Variants in C11orf65 observed in about 807,000 individuals in gnomAD.
The protein encoded by C11orf65 is protein MFI.
C11orf65 carries 38 observed loss-of-function variants against 35.3 expected under a neutral mutation model. That is an observed-to-expected ratio of 1.08 (90% CI 0.83 to 1.41). The LOEUF is 1.41. C11orf65 is among the 40% of genes most tolerant of loss of function. C11orf65 has a pLI of 0.00. For synonymous variants in C11orf65, 105 were observed against 114.4 expected (o/e 0.92, Z 0.53); for missense variants, 370 against 367.1 (o/e 1.01, Z -0.06).
At chr11:108,408,880 A>C (rs1279290739) in intron 3 of C11orf65, among the ~76,000 whole-genome samples, 1 of 151,970 alleles carries the variant, frequency 6.6e-6, no homozygotes, top group African/African-American at 2.4e-5. Flanking sequence ...CAGAAAATAG[A>C]TGTTATTCAA....
At chr11:108,384,780 AAAAC>A (rs1468982731) in intron 8 of C11orf65, among the ~76,000 whole-genome samples, 3 of 152,168 alleles carry the variant, frequency 2.0e-5, no homozygotes, top group African/African-American at 7.2e-5. Context: ...TCTCAAAACA[AAAAC>A]AAAAACAAAC....
rs2092215298 is a variant in C11orf65 at position 108,393,361 on chromosome 11, A to C, written c.578T>G (p.Leu193Arg). The C allele has an allele frequency of 6.2e-7, 1 of 1,613,840 alleles. No individual in the cohort carries two copies. Among genetic ancestry groups the C allele is most frequent in the African/African-American group, 1.3e-5 (1 of 74,944 alleles). The change falls in exon 7 of 9, where the codon CTG becomes CGG. Residue 193 changes from leucine (L) to arginine (R), a missense_variant. Physicochemically the swap from Leu to Arg is moderately radical, Grantham distance 102. Coordinates refer to ENST00000393084, the MANE Select transcript of C11orf65 (RefSeq NM_152587.5). ...TTCATGATGTGTTGACTTAGCCTCC[A>C]GACTTCCTGAGTAGTACCTAAATAG... is the stretch of plus-strand genomic sequence containing the variant. Reference protein sequence around the residue: ...WMRQMYYSGSLEAKSTHHETL... With the variant: ...WMRQMYYSGSREAKSTHHETL...
At chr11:108,315,222 A>G (rs611018) in intron 6 of C11orf65, among the ~76,000 whole-genome samples, 144,090 of 152,328 alleles carry the variant, frequency 0.95, 68,251 homozygotes, top group East Asian at 1. Context: ...AATGCTTACC[A>G]CAGTAGCAAC....
At chr11:108,323,502 T>A (rs998411894) in intron 6 of C11orf65, among the ~76,000 whole-genome samples, 1 of 152,174 alleles carries the variant, frequency 6.6e-6, no homozygotes, top group African/African-American at 2.4e-5. Flanking sequence ...ATAGGGCAAC[T>A]GTAGTTAACA....
At chr11:108,321,157 T>G in intron 6 of C11orf65, 14 of 1,077,248 alleles carry the variant, frequency 1.3e-5, no homozygotes, top group Non-Finnish European at 1.9e-5. Flanking sequence ...TTTCCACTGC[T>G]ATTTTGTATT....
chr11:108,319,883 G>A (rs981393581), intron 6 of C11orf65: 7 of 1,083,954 alleles, frequency 6.5e-6, no homozygotes, highest in African/African-American at 4.8e-5. Flanking sequence ...GTCCTTTGGT[G>A]AAGCTATTTA....
At chr11:108,326,367 A>C in intron 6 of C11orf65, 2 of 1,196,910 alleles carry the variant, frequency 1.7e-6, no homozygotes, top group East Asian at 5.1e-5. Context: ...ACTAGTCTTG[A>C]AAATTAATTT....
chr11:108,333,413 C>G (rs897205546), intron 3 of C11orf65, among the ~76,000 whole-genome samples: 2 of 152,138 alleles, frequency 1.3e-5, no homozygotes, highest in Non-Finnish European at 2.9e-5. Context: ...TTCTAAGTAT[C>G]TCCCCATACT....
At chr11:108,451,264 T>C (rs2093344072) in intron 2 of C11orf65, among the ~76,000 whole-genome samples, 1 of 151,954 alleles carries the variant, frequency 6.6e-6, no homozygotes, top group African/African-American at 2.4e-5. Flanking sequence ...AACCCCATCA[T>C]CTCAGCCCAA....
rs1064793958 is a variant in C11orf65, at chr11:108,321,329, C to G, written c.641-12258G>C. 6.2e-7 allele frequency: 1 copy of G among 1,614,098 alleles called. No individual in the cohort carries two copies. Among genetic ancestry groups the G allele is most frequent in the Non-Finnish European group, 8.5e-7 (1 of 1,180,000 alleles). Reference sequence around the variant, plus strand: ...AAAAGAAGTGGAAGAGATGTGTAAGCGCAGCCTTGAGTCTGTGTATTCGCT... The same window carrying G: ...AAAAGAAGTGGAAGAGATGTGTAAGGGCAGCCTTGAGTCTGTGTATTCGCT... On this transcript the variant is annotated intron_variant, in intron 6 of 6. Coordinates refer to the C11orf65 transcript ENST00000525729.
chr11:108,421,769 C>T (rs1434797515), intron 3 of C11orf65, among the ~76,000 whole-genome samples: 1 of 152,176 alleles, frequency 6.6e-6, no homozygotes, highest in East Asian at 1.9e-4. Flanking sequence ...GCCTTTGTTT[C>T]CACAGCTGCT....
chr11:108,455,392 TAA>T (rs1177418858), intron 2 of C11orf65, among the ~76,000 whole-genome samples: 1 of 152,152 alleles, frequency 6.6e-6, no homozygotes, highest in Non-Finnish European at 1.5e-5. Flanking sequence ...GCAAATTTAG[TAA>T]AGTTACAAAC....
At chr11:108,418,356 A>G (rs1004769690) in intron 3 of C11orf65, among the ~76,000 whole-genome samples, 2 of 152,180 alleles carry the variant, frequency 1.3e-5, no homozygotes, top group African/African-American at 4.8e-5. Context: ...CAGAGGATTG[A>G]AAGTACAGCA....
chr11:108,424,326 T>C (rs1238776536), intron 3 of C11orf65, among the ~76,000 whole-genome samples: 1 of 151,918 alleles, frequency 6.6e-6, no homozygotes, highest in African/African-American at 2.4e-5. Flanking sequence ...ATCAACTTAA[T>C]GAAATAAAGC....
intron 2 of C11orf65, among the ~76,000 whole-genome samples, chr11:108,356,572 T>C (rs1221136935): frequency 6.6e-6 from 1 of 151,514 alleles, no homozygotes; most frequent in Non-Finnish European, 1.5e-5. Context: ...CCCAAACTTT[T>C]CAAATTAAAG....
At position 108,382,756 on chromosome 11, in the gene C11orf65, T is replaced by G. The variant is rs1591429002; in HGVS notation, c.*265A>C. On this transcript the variant is annotated 3_prime_UTR_variant, in exon 9 of 9. Transcript: ENST00000393084. ...GCAAAATAATCAGTCTGAAGCTTCT[T>G]GCACCTAAATGTAGTCTCTTTACTT... is the stretch of plus-strand genomic sequence containing the variant. 1.0e-6 allele frequency: 1 copy of G among 983,066 alleles called. No individual in the cohort carries two copies. Among genetic ancestry groups the G allele is most frequent in the Non-Finnish European group, 1.2e-6 (1 of 827,794 alleles). The allele number at this position is 983,066 out of a possible 1,614,324, so 60.9% of individuals were successfully genotyped here.
chr11:108,365,221 G>A lies in C11orf65; in HGVS notation c.226+27987C>T, dbSNP rs56360226. 29 of 1,614,064 alleles carry A rather than the reference G, an allele frequency of 1.8e-5. No homozygotes were observed. In the East Asian group the frequency reaches 5.1e-4, roughly 29 times the overall value. ...CAAGAATGCAAACGAAATCTCAGGT[G>A]AGCAGTATTTTAAGAAGGTCCTGTT... On this transcript the variant is annotated intron_variant, in intron 2 of 3. Coordinates refer to the C11orf65 transcript ENST00000524755.
intron 2 of C11orf65, among the ~76,000 whole-genome samples, chr11:108,451,547 G>C (rs1459777515): frequency 1.3e-5 from 2 of 151,874 alleles, no homozygotes; most frequent in Non-Finnish European, 2.9e-5. Context: ...TCATGGGTAG[G>C]AAGAATCAAT....
At chr11:108,357,982 C>T (rs993745497) in intron 2 of C11orf65, among the ~76,000 whole-genome samples, 6 of 147,996 alleles carry the variant, frequency 4.1e-5, no homozygotes, top group Non-Finnish European at 9.0e-5. Flanking sequence ...AGGCTTCAGA[C>T]GATCAAATTA....
Sources: gnomAD v4.1 joint callset for allele counts (sites outside exome capture counted in the v4.1 genomes callset) on GRCh38, gnomAD v4.1.1 for gene constraint, MANE v1.5 for transcripts, NCBI Gene and HGNC (gene_info 2026-07-23, HGNC 2026-07-21) for gene names.